TBC1D8: variants seen among roughly 807,000 people sequenced by gnomAD.
TBC1D8 encodes the protein BUB2-like protein 1.
Under a neutral mutation model 118.8 loss-of-function variants are expected in TBC1D8, and 65 were observed. The observed-to-expected ratio is 0.55, with a 90% confidence interval of 0.45 to 0.67. The LOEUF (loss-of-function observed/expected upper bound fraction) is 0.67, where lower values mean the gene tolerates loss of function less well. Among genes scored for constraint, TBC1D8 ranks in the 30% least tolerant of loss-of-function variants. TBC1D8 has a pLI of 0.00. For missense variants in TBC1D8, 1,376 were observed against 1,471.2 expected (o/e 0.94, Z 1.06); for synonymous variants, 566 against 595.8 (o/e 0.95, Z 0.73).
chr2:101,054,615 CA>C (rs1682278668), intron 3 of TBC1D8, among the ~76,000 whole-genome samples: 1 of 148,480 alleles, frequency 6.7e-6, no homozygotes, highest in Non-Finnish European at 1.5e-5. Context: ...AGGCTCTGGG[CA>C]AATCATTTGA....
At chr2:101,057,774 C>T (rs1240444509) in intron 3 of TBC1D8, among the ~76,000 whole-genome samples, 4 of 152,126 alleles carry the variant, frequency 2.6e-5, no homozygotes, top group African/African-American at 9.7e-5. Flanking sequence ...ATGTGAGCCA[C>T]GATTGCACCA....
In TBC1D8 at chr2:101,038,643, C is replaced by T; in HGVS notation, c.1093G>A (p.Glu365Lys). 3 of 1,613,924 alleles carry T rather than the reference C, an allele frequency of 1.9e-6. No individual in the cohort carries two copies. The highest frequency in any genetic ancestry group is 2.5e-6 in the Non-Finnish European group (3 of 1,179,984). ...ILPLREVVSI[E>K]KMEDTSLLPH... ...AGCAGGCTCGTGTCCTCCATCTTCTCGATGCTCACCACCTGCGCGAGAGGC... is the reference window on the plus strand; with the variant it reads ...AGCAGGCTCGTGTCCTCCATCTTCTTGATGCTCACCACCTGCGCGAGAGGC... The change falls in exon 7 of 20, where the codon GAG becomes AAG. Residue 365 changes from glutamate (E) to lysine (K), a missense_variant. Coordinates refer to ENST00000409318, the MANE Select transcript of TBC1D8 (RefSeq NM_001330348.2).
chr2:101,110,916 G>A (rs1481737660), intron 1 of TBC1D8, among the ~76,000 whole-genome samples: 1 of 150,504 alleles, frequency 6.6e-6, no homozygotes, highest in Non-Finnish European at 1.5e-5. Context: ...GGAGGTGGAG[G>A]TTGCAGTGAG....
intron 1 of TBC1D8, among the ~76,000 whole-genome samples, chr2:101,094,464 C>A (rs1676260464): frequency 6.6e-6 from 1 of 152,122 alleles, no homozygotes; most frequent in Non-Finnish European, 1.5e-5. Flanking sequence ...CCCACTCATC[C>A]CACACCCCCA....
intron 11 of TBC1D8, 117 bp downstream of exon 11, chr2:101,032,151 A>C: frequency 4.2e-6 from 4 of 947,626 alleles, no homozygotes; most frequent in Non-Finnish European, 6.4e-6. Flanking sequence ...CTGTGTTTGC[A>C]AACAGACTAG....
At chr2:101,135,848 T>C (rs1678834246) in intron 1 of TBC1D8, among the ~76,000 whole-genome samples, 1 of 152,202 alleles carries the variant, frequency 6.6e-6, no homozygotes, top group African/African-American at 2.4e-5. Flanking sequence ...GTTTGGATGT[T>C]TGTCTCATAC....
At chr2:101,011,163 G>A (rs147506461) in intron 18 of TBC1D8, 137 bp from the exon 19 acceptor site, 10 of 847,912 alleles carry the variant, frequency 1.2e-5, no homozygotes, top group African/African-American at 6.8e-5. Context: ...GAAAGCAAGA[G>A]ATTCCCCTGG....
At chr2:101,081,895 T>G (rs1433822529) in intron 2 of TBC1D8, among the ~76,000 whole-genome samples, 3 of 152,126 alleles carry the variant, frequency 2.0e-5, no homozygotes, top group Admixed American at 2.0e-4. Flanking sequence ...TCCCAGCACT[T>G]TGGGAGGCTG....
chr2:101,043,723 C>T (rs971055618), intron 5 of TBC1D8, among the ~76,000 whole-genome samples: 8 of 152,088 alleles, frequency 5.3e-5, no homozygotes, highest in Non-Finnish European at 7.4e-5. Context: ...GGGCAGATCA[C>T]GAGGCCAGGA....
At chr2:101,139,391 T>C (rs1005534748) in intron 1 of TBC1D8, among the ~76,000 whole-genome samples, 1 of 150,850 alleles carries the variant, frequency 6.6e-6, no homozygotes, top group African/African-American at 2.4e-5. Flanking sequence ...CCCTACTTCC[T>C]CGCCACCCTC....
chr2:101,054,672 CTTTTTTTTTTTTTT>C (rs34465252), intron 3 of TBC1D8, among the ~76,000 whole-genome samples: 5 of 25,436 alleles, frequency 2.0e-4, no homozygotes, highest in African/African-American at 1.1e-3. Flanking sequence ...CTTTTCTTTT[CTTTTTTTTTTTTTT>C]TTTTTTTTTT....
chr2:101,028,369 A>G lies in TBC1D8; in HGVS notation c.2286T>C (p.Phe762=). Reference sequence around the variant, plus strand: ...GGTAGGGCTCCTGGTCGTCGGAGAAAAAGGCATGGTGGCTGCCAACTGGGG... The same window carrying G: ...GGTAGGGCTCCTGGTCGTCGGAGAAGAAGGCATGGTGGCTGCCAACTGGGG... ...PGPPVGSHHA[F]FSDDQEPYPV... The change falls in exon 13 of 20, where the codon TTT becomes TTC. Residue 762 remains phenylalanine, a synonymous_variant. Coordinates refer to ENST00000409318, the MANE Select transcript of TBC1D8 (RefSeq NM_001330348.2). 1 of 1,612,118 alleles carries G rather than the reference A, an allele frequency of 6.2e-7. No homozygotes were observed. Among genetic ancestry groups the G allele is most frequent in the Middle Eastern group, 1.7e-4 (1 of 6,036 alleles).
chr2:101,098,379 CA>C (rs56957208), intron 1 of TBC1D8, among the ~76,000 whole-genome samples: 2,386 of 147,594 alleles, frequency 0.016, 59 homozygotes, highest in African/African-American at 0.055. Context: ...AACTCCATCT[CA>C]AAAAAAAAAG....
At chr2:101,028,616 A>G in intron 12 of TBC1D8, 184 bp from the exon 13 acceptor site, 1 of 811,090 alleles carries the variant, frequency 1.2e-6, no homozygotes, top group Non-Finnish European at 1.8e-6. Flanking sequence ...CGGCTTGTGG[A>G]TTGGGCTCCA....
At chr2:101,041,982 G>A (rs536327406) in intron 5 of TBC1D8, among the ~76,000 whole-genome samples, 1 of 151,560 alleles carries the variant, frequency 6.6e-6, no homozygotes, top group Admixed American at 6.6e-5. Context: ...TCGAGATCGC[G>A]CCACTGCACT....
chr2:101,052,019 C>G (rs202208255), intron 4 of TBC1D8, among the ~76,000 whole-genome samples: 1 of 152,300 alleles, frequency 6.6e-6, no homozygotes, highest in East Asian at 1.9e-4. Flanking sequence ...TTCTGAAATA[C>G]CAAGTTAACA....
intron 1 of TBC1D8, among the ~76,000 whole-genome samples, chr2:101,134,125 A>AG (rs1244657481): frequency 6.6e-6 from 1 of 151,126 alleles, no homozygotes; most frequent in Non-Finnish European, 1.5e-5. Flanking sequence ...ATGAATTTGG[A>AG]GGGGGGACAT....
chr2:101,021,576 A>C (rs1680029971), intron 17 of TBC1D8, 105 bp downstream of exon 17: 1 of 796,018 alleles, frequency 1.3e-6, no homozygotes, highest in Middle Eastern at 2.6e-4. Context: ...CTGTTGCCTC[A>C]AGCATAAGTG....
chr2:101,119,564 G>A (rs774834811), intron 1 of TBC1D8, among the ~76,000 whole-genome samples: 19 of 152,154 alleles, frequency 1.2e-4, no homozygotes, highest in Non-Finnish European at 1.9e-4. Context: ...GTGCAGAGCC[G>A]GCCTGGGCCC....
Sources: gnomAD v4.1 joint callset for allele counts (sites outside exome capture counted in the v4.1 genomes callset) on GRCh38, gnomAD v4.1.1 for gene constraint, MANE v1.5 for transcripts, NCBI Gene and HGNC (gene_info 2026-07-23, HGNC 2026-07-21) for gene names.